The following CCDC157 variants were observed in gnomAD, a reference collection of about 807,000 sequenced individuals.
CCDC157 encodes the protein coiled-coil domain-containing protein 157.
CCDC157 carries 60 observed loss-of-function variants against 70.9 expected under a neutral mutation model. That is an observed-to-expected ratio of 0.85 (90% CI 0.69 to 1.05). The LOEUF is 1.05. CCDC157 is among the 50% of genes least tolerant of loss of function. The pLI, the probability that CCDC157 is intolerant of heterozygous loss-of-function variation, is 0.00. For synonymous variants in CCDC157, 373 were observed against 422.4 expected (o/e 0.88, Z 1.43); for missense variants, 943 against 984.2 (o/e 0.96, Z 0.56).
chr22:30,377,835 C>T lies in CCDC157; in HGVS notation c.*1090C>T. 1 of 320,474 alleles carries T rather than the reference C, an allele frequency of 3.1e-6. No homozygotes were observed. The highest frequency in any genetic ancestry group is 8.1e-5 in the East Asian group (1 of 12,386). 19.9% of individuals were successfully genotyped at this position (320,474 alleles called of 1,614,324 possible). The stretch of plus-strand genomic sequence containing the variant: ...GGACCTCACAGCTGAGTAGCTCTCT[C>T]AGGCGCCCACCAACTCCGTGCCATG... On this transcript the variant is annotated 3_prime_UTR_variant, in exon 12 of 12. Coordinates refer to ENST00000338306, the MANE Select transcript of CCDC157 (RefSeq NM_001017437.5).
intron 1 of CCDC157, among the ~76,000 whole-genome samples, chr22:30,359,885 C>T (rs1302084194): frequency 6.6e-6 from 1 of 152,184 alleles, no homozygotes; most frequent in East Asian, 1.9e-4. Flanking sequence ...TGTCTCACGC[C>T]TATAATCCCA....
intron 3 of CCDC157, chr22:30,368,730 A>G (rs1421191556): frequency 6.6e-6 from 1 of 152,260 alleles, no homozygotes; most frequent in East Asian, 1.9e-4. Context: ...ACCCTCCTGC[A>G]TCTGCAAAAA....
chr22:30,372,220 C>T lies in CCDC157; in HGVS notation c.1269C>T (p.Val423=). 1 of 1,596,248 alleles carries T rather than the reference C, an allele frequency of 6.3e-7. No homozygotes were observed. The change falls in exon 7 of 12, where the codon GTC becomes GTT. Residue 423 remains valine, a synonymous_variant. Coordinates refer to ENST00000338306, the MANE Select transcript of CCDC157 (RefSeq NM_001017437.5). ...GGCTGGAGGGCGCTGGCCAGCAGGT[C>T]TGCTGGGCCAGCACGGAGCTGGATA... ...VGRLEGAGQQ[V]CWASTELDKE...
chr22:30,372,333 C>T (rs764278320), intron 7 of CCDC157, 47 bp downstream of exon 7: 5 of 1,467,048 alleles, frequency 3.4e-6, no homozygotes, highest in Non-Finnish European at 4.5e-6. Flanking sequence ...ATGTAGGCTG[C>T]AGGGAAAGAG....
At chr22:30,360,717 G>A (rs1932275291) in intron 1 of CCDC157, among the ~76,000 whole-genome samples, 2 of 152,110 alleles carry the variant, frequency 1.3e-5, no homozygotes, top group East Asian at 3.9e-4. Context: ...TTGGAGACCA[G>A]CCTGACCAAT....
intron 1 of CCDC157, among the ~76,000 whole-genome samples, chr22:30,358,025 C>T (rs1932048190): frequency 6.6e-6 from 1 of 152,180 alleles, no homozygotes; most frequent in African/African-American, 2.4e-5. Context: ...GCGGCTCGCT[C>T]CCCAGAGGCC....
At chr22:30,368,255 C>T (rs1932798278) in intron 3 of CCDC157, among the ~76,000 whole-genome samples, 1 of 152,224 alleles carries the variant, frequency 6.6e-6, no homozygotes, top group African/African-American at 2.4e-5. Flanking sequence ...ACAGAACACA[C>T]CTTCCTTTCT....
chr22:30,361,247 CA>C (rs33971565), intron 1 of CCDC157, among the ~76,000 whole-genome samples: 319 of 62,194 alleles, frequency 5.1e-3, no homozygotes, highest in African/African-American at 0.014. Flanking sequence ...GACTCTGTCT[CA>C]AAAAAAAAAA....
intron 7 of CCDC157, chr22:30,373,340 C>T: frequency 2.0e-6 from 1 of 510,698 alleles, no homozygotes; most frequent in South Asian, 2.4e-5. Context: ...CCCCCAGAGC[C>T]AGCCATCTGC....
chr22:30,358,944 T>G (rs1333733415), intron 1 of CCDC157, among the ~76,000 whole-genome samples: 1 of 152,202 alleles, frequency 6.6e-6, no homozygotes, highest in East Asian at 1.9e-4. Context: ...ACTTCAATTT[T>G]CAGAAGAAAC....
At position 30,358,588 on chromosome 22, in the gene CCDC157, GGAA is replaced by G. The variant is rs771799612; in HGVS notation, c.-166+1458_-166+1460del. ...TGAATCTCACCAGGCACCCTGGCTG[GGAA>G]GTAGGCATCATCTTTACCGAGTAGG... On this transcript the variant is annotated intron_variant, in intron 1 of 11. Coordinates refer to ENST00000338306, the MANE Select transcript of CCDC157 (RefSeq NM_001017437.5). 1.4e-3 allele frequency among the ~76,000 whole-genome samples: 213 copies of G among 152,332 alleles called. 1 individual carries two copies. The highest frequency in any genetic ancestry group is 2.6e-3 in the Non-Finnish European group (179 of 68,032).
intron 2 of CCDC157, among the ~76,000 whole-genome samples, chr22:30,362,731 G>A (rs1932434360): frequency 6.6e-6 from 1 of 152,178 alleles, no homozygotes; most frequent in South Asian, 2.1e-4. Flanking sequence ...GGAGAGAAAT[G>A]CTGGGTTCCC....
intron 6 of CCDC157, 60 bp from the exon 7 acceptor site, chr22:30,372,015 G>T: frequency 1.7e-6 from 2 of 1,161,834 alleles, no homozygotes; most frequent in Admixed American, 2.2e-5. Flanking sequence ...CCCGTCCTAG[G>T]TCTGAGGTAG....
intron 2 of CCDC157, among the ~76,000 whole-genome samples, chr22:30,364,904 CCT>C (rs1932617499): frequency 6.6e-6 from 1 of 151,228 alleles, no homozygotes; most frequent in Non-Finnish European, 1.5e-5. Context: ...TTCATGTTTT[CCT>C]CTCTTGCACT....
rs771901392 is a variant in CCDC157 at position 30,369,539 on chromosome 22, C to T, written c.356C>T (p.Thr119Met). The T allele has an allele frequency of 6.9e-6, 11 of 1,604,082 alleles. No individual in the cohort carries two copies. Among genetic ancestry groups the T allele is most frequent in the African/African-American group, 4.0e-5 (3 of 74,316 alleles). Residue 119 changes from threonine (T) to methionine (M), a missense_variant, in exon 4 of 12, where the codon ACG (threonine) becomes ATG (methionine). Thr to Met is a moderately conservative substitution (Grantham distance 81). Coordinates refer to ENST00000338306, the MANE Select transcript of CCDC157 (RefSeq NM_001017437.5). ...GGGCCCTGCATGTCCGTGGGGCTCA[C>T]GGTGCGGCGCTTCTGGGACAGCCTG... is the stretch of plus-strand genomic sequence containing the variant. ...AAGPCMSVGL[T>M]VRRFWDSLLR...
At chr22:30,356,994 G>A, upstream of CCDC157, 1 of 439,010 alleles carries the variant, frequency 2.3e-6, no homozygotes, top group Non-Finnish European at 3.8e-6. Context: ...CGGGCACCGC[G>A]GCGTCCGACG....
chr22:30,377,921 T>G lies in CCDC157; in HGVS notation c.*1176T>G. On this transcript the variant is annotated 3_prime_UTR_variant, in exon 12 of 12. Coordinates refer to ENST00000338306, the MANE Select transcript of CCDC157 (RefSeq NM_001017437.5). Reference sequence around the variant, plus strand: ...CAGGTTCTGTGTGGCTGGGTTTTTTTGCTCCGGGTCCCAGAGGGCTGAAAT... The same window carrying G: ...CAGGTTCTGTGTGGCTGGGTTTTTTGGCTCCGGGTCCCAGAGGGCTGAAAT... The G allele has an allele frequency of 2.9e-6, 1 of 348,326 alleles. No homozygotes were observed. The highest frequency in any genetic ancestry group is 5.7e-6 in the Non-Finnish European group (1 of 174,670). The allele number at this position is 348,326 out of a possible 1,614,324, so 21.6% of individuals were successfully genotyped here.
intron 7 of CCDC157, 199 bp downstream of exon 7, chr22:30,372,485 C>G (rs1933017872): frequency 8.5e-6 from 6 of 707,362 alleles, no homozygotes; most frequent in Non-Finnish European, 1.3e-5. Context: ...GGGACTGATA[C>G]TGCCCAGTGA....
At chr22:30,369,652 C>A in intron 4 of CCDC157, 49 bp downstream of exon 4, 1 of 1,389,160 alleles carries the variant, frequency 7.2e-7, no homozygotes, top group Non-Finnish European at 9.4e-7. Flanking sequence ...CCTCTATCTC[C>A]CCACTGTGGT....
Sources: allele counts gnomAD v4.1 joint callset (sites outside exome capture counted in the v4.1 genomes callset), GRCh38; gene constraint gnomAD v4.1.1; transcripts MANE v1.5; gene names NCBI Gene and HGNC (gene_info 2026-07-23, HGNC 2026-07-21).